Variants in CHRM3 observed in about 807,000 individuals in gnomAD.
CHRM3 encodes the protein muscarinic acetylcholine receptor M3.
Under a neutral mutation model 41.8 loss-of-function variants are expected in CHRM3, and 11 were observed. The ratio of observed to expected loss-of-function variants is 0.26; its 90% CI spans 0.17 to 0.44. The LOEUF is 0.44. Among genes scored for constraint, CHRM3 ranks in the 20% least tolerant of loss-of-function variants. The pLI is 1.00. For missense variants in CHRM3, 571 were observed against 745.4 expected, an observed-to-expected ratio of 0.77 and a Z score of 2.72; for synonymous variants, 297 against 301.4, an observed-to-expected ratio of 0.99 and a Z score of 0.15.
intron 1 of CHRM3, among the ~76,000 whole-genome samples, chr1:239,484,091 G>GTGT (rs1253058259): frequency 1.2e-3 from 185 of 152,182 alleles, no homozygotes; most frequent in Non-Finnish European, 2.0e-3. Context: ...GGATGTATTC[G>GTGT]TTCTTTCTTG....
chr1:239,892,774 G>T (rs1377437470), intron 6 of CHRM3, among the ~76,000 whole-genome samples: 1 of 152,122 alleles, frequency 6.6e-6, no homozygotes, highest in Non-Finnish European at 1.5e-5. Flanking sequence ...AGTGTCTCAT[G>T]CACCTTCCTG....
Position 239,543,800 on chromosome 1 carries a change from G to A in CHRM3, c.-421-1841G>A, listed in dbSNP as rs557987463. ...TGGGATTACAGGTGCGAGCCACCGC[G>A]CCCTGCCCAGCAACCGATTTTTATA... On this transcript the variant is annotated intron_variant, in intron 2 of 6. Coordinates refer to ENST00000676153, the MANE Select transcript of CHRM3 (RefSeq NM_001375978.1). 6.1e-3 allele frequency among the ~76,000 whole-genome samples: 931 copies of A among 152,120 alleles called. 4 individuals are homozygous for A. The highest frequency in any genetic ancestry group is 9.3e-3 in the South Asian group (45 of 4,818).
chr1:239,608,744 T>G (rs1476745980), intron 3 of CHRM3, among the ~76,000 whole-genome samples: 1 of 152,162 alleles, frequency 6.6e-6, no homozygotes, highest in East Asian at 1.9e-4. Flanking sequence ...AAATGGCAAG[T>G]TTCAGCAAGA....
At chr1:239,871,178 G>C (rs1348890792) in intron 6 of CHRM3, among the ~76,000 whole-genome samples, 1 of 152,126 alleles carries the variant, frequency 6.6e-6, no homozygotes, top group African/African-American at 2.4e-5. Flanking sequence ...GGATTTCTTA[G>C]GTTGCAAGAT....
intron 3 of CHRM3, among the ~76,000 whole-genome samples, chr1:239,567,892 C>G (rs527332216): frequency 3.9e-5 from 6 of 152,270 alleles, no homozygotes; most frequent in South Asian, 2.1e-4. Flanking sequence ...CTCTGGCTGC[C>G]TCCACCTCTC....
At chr1:239,758,199 G>C (rs369267431) in intron 5 of CHRM3, among the ~76,000 whole-genome samples, 2 of 152,110 alleles carry the variant, frequency 1.3e-5, no homozygotes, top group Admixed American at 6.6e-5. Flanking sequence ...TATAGCTCCT[G>C]AAACTTTAAA....
chr1:239,859,972 G>A (rs1347855038), intron 6 of CHRM3, among the ~76,000 whole-genome samples: 1 of 151,860 alleles, frequency 6.6e-6, no homozygotes, highest in East Asian at 1.9e-4. Flanking sequence ...AGACCTTCAG[G>A]AATACTCTGA....
rs144562847 is a variant in CHRM3, at chr1:239,507,474, A to G, written c.-422+14667A>G. ...AGTCCTCCATCCCCACCCACGTGGA[A>G]CTGTAAGTCCAATAAACTTCTTTCT... On this transcript the variant is annotated intron_variant, in intron 2 of 6. Transcript: ENST00000676153. 1.2e-3 allele frequency among the ~76,000 whole-genome samples: 184 copies of G among 152,292 alleles called. 1 individual carries two copies. Among genetic ancestry groups the G allele is most frequent in the Non-Finnish European group, 2.3e-3 (156 of 68,022 alleles).
chr1:239,420,608 G>A (rs1198528800), intron 1 of CHRM3, among the ~76,000 whole-genome samples: 1 of 151,958 alleles, frequency 6.6e-6, no homozygotes, highest in Admixed American at 6.6e-5. Context: ...AAGAGTAGGG[G>A]GTTTCTCCAG....
In CHRM3 at chr1:239,913,154, G is replaced by A. The variant is rs1224260628; in HGVS notation, c.*3930G>A. 5 of 167,020 alleles carry A rather than the reference G, an allele frequency of 3.0e-5. No individual in the cohort carries two copies. The highest frequency in any genetic ancestry group is 7.3e-5 in the Non-Finnish European group (5 of 68,120). The allele number at this position is 167,020 out of a possible 1,614,324, so 10.3% of individuals were successfully genotyped here. ...TCAACACCACAAAATCTTGAAATTTGGAAGGTAACCAAGGAAGCTTTGAAA... is the reference window on the plus strand; with the variant it reads ...TCAACACCACAAAATCTTGAAATTTAGAAGGTAACCAAGGAAGCTTTGAAA... On this transcript the variant is annotated 3_prime_UTR_variant, in exon 7 of 7. Coordinates refer to ENST00000676153, the MANE Select transcript of CHRM3 (RefSeq NM_001375978.1).
chr1:239,565,001 C>G (rs1023588938), intron 3 of CHRM3, among the ~76,000 whole-genome samples: 4 of 152,138 alleles, frequency 2.6e-5, no homozygotes, highest in Non-Finnish European at 5.9e-5. Flanking sequence ...CTTGCCTCTT[C>G]CCGCTTCTGG....
intron 2 of CHRM3, among the ~76,000 whole-genome samples, chr1:239,516,276 TA>T (rs138651654): frequency 0.045 from 6,859 of 152,270 alleles, 169 homozygotes; most frequent in African/African-American, 0.06. Flanking sequence ...AGCTGTATGT[TA>T]AGAAATTTGC....
At chr1:239,854,398 A>G (rs1674942155) in intron 6 of CHRM3, among the ~76,000 whole-genome samples, 1 of 152,110 alleles carries the variant, frequency 6.6e-6, no homozygotes, top group South Asian at 2.1e-4. Context: ...CAACAACAAC[A>G]AAAAACAATC....
At chr1:239,777,057 T>G (rs1668147500) in intron 5 of CHRM3, among the ~76,000 whole-genome samples, 1 of 152,116 alleles carries the variant, frequency 6.6e-6, no homozygotes, top group South Asian at 2.1e-4. Flanking sequence ...AGTATATCCT[T>G]TATCCATGAG....
In CHRM3 at chr1:239,713,225, A is replaced by T. The variant is rs1053836482; in HGVS notation, c.-147+34937A>T. Among the ~76,000 whole-genome samples the T allele has an allele frequency of 3.3e-5, 5 of 152,224 alleles. No homozygotes were observed. In the East Asian group the frequency reaches 7.8e-4, roughly 24 times the overall value. The stretch of plus-strand genomic sequence containing the variant: ...ATTGGAAGTCAGAGATCTGAATTGC[A>T]GTTCCAGTTATACTGTTTATTATCT... On this transcript the variant is annotated intron_variant, in intron 5 of 6. Coordinates refer to ENST00000676153, the MANE Select transcript of CHRM3 (RefSeq NM_001375978.1).
At chr1:239,634,411 AAAG>A (rs984139744) in intron 4 of CHRM3, among the ~76,000 whole-genome samples, 2 of 142,334 alleles carry the variant, frequency 1.4e-5, no homozygotes, top group African/African-American at 2.5e-5. Flanking sequence ...GAAAGGAAAG[AAAG>A]AAGAAAAGAA....
At chr1:239,759,951 A>G (rs889625118) in intron 5 of CHRM3, among the ~76,000 whole-genome samples, 7 of 152,110 alleles carry the variant, frequency 4.6e-5, no homozygotes, top group African/African-American at 1.2e-4. Flanking sequence ...GTCTCGCTCC[A>G]TCGCCTAGGC....
At chr1:239,412,058 T>C (rs1225479555) in intron 1 of CHRM3, among the ~76,000 whole-genome samples, 1 of 151,630 alleles carries the variant, frequency 6.6e-6, no homozygotes, top group African/African-American at 2.4e-5. Context: ...AAGATAATCA[T>C]ATAAAAATTT....
intron 6 of CHRM3, among the ~76,000 whole-genome samples, chr1:239,906,329 C>T (rs1191971444): frequency 6.6e-6 from 1 of 152,056 alleles, no homozygotes; most frequent in Admixed American, 6.6e-5. Context: ...TAACCAAGAG[C>T]ATAAATGTAG....
Sources: allele counts gnomAD v4.1 joint callset (sites outside exome capture counted in the v4.1 genomes callset), GRCh38; gene constraint gnomAD v4.1.1; transcripts MANE v1.5; gene names NCBI Gene and HGNC (gene_info 2026-07-23, HGNC 2026-07-21).